Variants in WDFY1 observed in about 807,000 individuals in gnomAD.
WDFY1 encodes WD repeat and FYVE domain containing 1.
Under a neutral mutation model 56.4 loss-of-function variants are expected in WDFY1, and 32 were observed. The observed-to-expected ratio is 0.57, with a 90% CI of 0.43 to 0.76. The LOEUF (loss-of-function observed/expected upper bound fraction) is 0.76, where lower values mean the gene tolerates loss of function less well. Among genes scored for constraint, WDFY1 ranks in the 30% least tolerant of loss-of-function variants. The pLI is 0.00. For synonymous variants in WDFY1, 192 were observed against 197.3 expected, an observed-to-expected ratio of 0.97 and a Z score of 0.23; for missense variants, 480 against 545.7, an observed-to-expected ratio of 0.88 and a Z score of 1.20.
chr2:223,905,261 A>G (rs940266608), intron 4 of WDFY1, among the ~76,000 whole-genome samples: 2 of 152,228 alleles, frequency 1.3e-5, no homozygotes, highest in Admixed American at 1.3e-4. Context: ...GGCACTTAAA[A>G]AACTTTTTAA....
intron 3 of WDFY1, among the ~76,000 whole-genome samples, chr2:223,909,390 CATT>C (rs559156208): frequency 3.6e-4 from 55 of 152,196 alleles, no homozygotes; most frequent in African/African-American, 1.2e-3. Flanking sequence ...AAAACAGTGT[CATT>C]ATTTAGGCAG....
At position 223,905,942 on chromosome 2, in the gene WDFY1, AT is replaced by A; in HGVS notation, c.334+4del. The A allele has an allele frequency of 6.4e-7, 1 of 1,563,024 alleles. No homozygotes were observed. Among genetic ancestry groups the A allele is most frequent in the East Asian group, 2.3e-5 (1 of 44,238 alleles). The stretch of plus-strand genomic sequence containing the variant: ...TGTACGCAAGATAATGTGTATTATA[AT>A]TACCTGGGTAGGTCTTGATAAAGTT... On this transcript the variant is annotated splice_donor_region_variant and intron_variant, in intron 4 of 11. Transcript: ENST00000233055.
chr2:223,943,873 G>A (rs1292319465), intron 1 of WDFY1, among the ~76,000 whole-genome samples: 2 of 152,196 alleles, frequency 1.3e-5, no homozygotes, highest in East Asian at 1.9e-4. Flanking sequence ...CTTCCTCTTA[G>A]GAGAAATGAG....
intron 2 of WDFY1, among the ~76,000 whole-genome samples, chr2:223,913,819 T>C (rs985761577): frequency 6.6e-6 from 1 of 151,966 alleles, no homozygotes; most frequent in African/African-American, 2.4e-5. Context: ...TAGACAACTA[T>C]AACATTTCAA....
intron 1 of WDFY1, among the ~76,000 whole-genome samples, chr2:223,927,577 G>A (rs970587219): frequency 3.3e-5 from 5 of 152,226 alleles, no homozygotes; most frequent in Non-Finnish European, 7.3e-5. Context: ...AGAGAATGTT[G>A]TGGCTGGTCT....
chr2:223,885,081 G>C (rs1227732236), intron 8 of WDFY1, among the ~76,000 whole-genome samples: 1 of 151,986 alleles, frequency 6.6e-6, no homozygotes, highest in Non-Finnish European at 1.5e-5. Context: ...ACCTCCCAAA[G>C]TGCTGGGATT....
chr2:223,889,255 T>C (rs947783854), intron 8 of WDFY1, among the ~76,000 whole-genome samples: 1 of 152,086 alleles, frequency 6.6e-6, no homozygotes, highest in Non-Finnish European at 1.5e-5. Context: ...AAGTGGTTCG[T>C]AGCAAGTCGT....
At position 223,926,109 on chromosome 2, in the gene WDFY1, G is replaced by A. The variant is rs191543377; in HGVS notation, c.138-8099C>T. Among the ~76,000 whole-genome samples, 11 of 152,234 alleles carry A rather than the reference G, an allele frequency of 7.2e-5. No individual in the cohort carries two copies. The East Asian group carries it at 1.7e-3, about 24-fold the overall frequency. On this transcript the variant is annotated intron_variant, in intron 1 of 11. Coordinates refer to ENST00000233055, the MANE Select transcript of WDFY1 (RefSeq NM_020830.5). ...GAAGGTTTTCAACTTACTTTGCCCA[G>A]ATCTATCAGAGGCACTATCTACGGC...
chr2:223,910,026 G>A (rs1224880558), intron 3 of WDFY1, among the ~76,000 whole-genome samples: 3 of 152,082 alleles, frequency 2.0e-5, no homozygotes, highest in African/African-American at 7.2e-5. Flanking sequence ...TTCTCCAATC[G>A]CCCTAGGGTG....
intron 8 of WDFY1, among the ~76,000 whole-genome samples, chr2:223,893,703 C>T (rs923531381): frequency 1.3e-5 from 2 of 152,110 alleles, no homozygotes; most frequent in African/African-American, 4.8e-5. Flanking sequence ...AGTTAGTGGC[C>T]GAACCAAGTT....
chr2:223,878,606 G>T lies in WDFY1; in HGVS notation c.*65C>A. On this transcript the variant is annotated 3_prime_UTR_variant, in exon 12 of 12. Coordinates refer to ENST00000233055, the MANE Select transcript of WDFY1 (RefSeq NM_020830.5). ...ATTCACGAGACAGCGCTGTGGAGCTGCGTGAGAGGGACTTCATTTGGTGGA... is the reference window on the plus strand; with the variant it reads ...ATTCACGAGACAGCGCTGTGGAGCTTCGTGAGAGGGACTTCATTTGGTGGA... 2.4e-6 allele frequency: 3 copies of T among 1,247,192 alleles called. No individual in the cohort carries two copies. The highest frequency in any genetic ancestry group is 3.5e-6 in the Non-Finnish European group (3 of 850,292). The allele number at this position is 1,247,192 out of a possible 1,614,324, so 77.3% of individuals were successfully genotyped here.
chr2:223,879,809 A>G (rs958790317), intron 11 of WDFY1, among the ~76,000 whole-genome samples: 3 of 152,184 alleles, frequency 2.0e-5, no homozygotes, highest in African/African-American at 7.2e-5. Context: ...CAAGCGTAGG[A>G]ATGTCTTGAG....
At chr2:223,943,854 C>A (rs1180552911) in intron 1 of WDFY1, among the ~76,000 whole-genome samples, 1 of 152,230 alleles carries the variant, frequency 6.6e-6, no homozygotes, top group African/African-American at 2.4e-5. Context: ...ACACCTCCAC[C>A]AGCCTCGGCT....
Position 223,945,128 on chromosome 2 carries a change from C to A in WDFY1, c.137+20G>T. The stretch of plus-strand genomic sequence containing the variant: ...CGTCGTCGCGGAGTTCGGGCCGCCC[C>A]GGCTGCGCCCGGGCCCTACCTGTCC... On this transcript the variant is annotated intron_variant, in intron 1 of 11. Transcript: ENST00000233055. 6.4e-7 allele frequency: 1 copy of A among 1,573,374 alleles called. No homozygotes were observed. Among genetic ancestry groups the A allele is most frequent in the East Asian group, 2.4e-5 (1 of 41,502 alleles).
rs934659131 is a variant in WDFY1 at position 223,881,443 on chromosome 2, A to G, written c.1064+499T>C. Among the ~76,000 whole-genome samples the G allele has an allele frequency of 2.0e-5, 3 of 152,188 alleles. 1 individual carries two copies. The highest frequency in any genetic ancestry group is 4.4e-5 in the Non-Finnish European group (3 of 68,028). On this transcript the variant is annotated intron_variant, in intron 10 of 11. Coordinates refer to ENST00000233055, the MANE Select transcript of WDFY1 (RefSeq NM_020830.5). ...GCTGCCCAGTCAGAGGGGCAACTTAAGATGCATAGTCATGGTCTTAAGTCA... is the reference window on the plus strand; with the variant it reads ...GCTGCCCAGTCAGAGGGGCAACTTAGGATGCATAGTCATGGTCTTAAGTCA...
At chr2:223,909,935 A>G (rs2106087569) in intron 3 of WDFY1, among the ~76,000 whole-genome samples, 2 of 152,308 alleles carry the variant, frequency 1.3e-5, no homozygotes. Context: ...AAACACTTTA[A>G]CAGCTTCTCA....
chr2:223,885,985 CAGT>C (rs1186639234), intron 8 of WDFY1, among the ~76,000 whole-genome samples: 1 of 152,170 alleles, frequency 6.6e-6, no homozygotes, highest in East Asian at 1.9e-4. Context: ...GCCTGTCACA[CAGT>C]AGGTTTTTAA....
At chr2:223,922,081 T>C (rs1693897379) in intron 1 of WDFY1, among the ~76,000 whole-genome samples, 1 of 152,130 alleles carries the variant, frequency 6.6e-6, no homozygotes, top group African/African-American at 2.4e-5. Context: ...TGACTCCCCA[T>C]CCCAGAGCCT....
At chr2:223,891,320 T>C (rs1186284621) in intron 8 of WDFY1, among the ~76,000 whole-genome samples, 1 of 128,160 alleles carries the variant, frequency 7.8e-6, no homozygotes, top group Non-Finnish European at 1.5e-5. Context: ...GATGCGAAGG[T>C]TGCAGTGAGC....
Sources: allele counts gnomAD v4.1 joint callset (sites outside exome capture counted in the v4.1 genomes callset), GRCh38; gene constraint gnomAD v4.1.1; transcripts MANE v1.5; gene names NCBI Gene and HGNC (gene_info 2026-07-23, HGNC 2026-07-21).